TNNI3K: variants seen among roughly 807,000 people sequenced by gnomAD.
The protein encoded by TNNI3K is TNNI3 interacting kinase, also known as serine/threonine-protein kinase TNNI3K.
In TNNI3K, 140 loss-of-function variants were observed where a neutral mutation model predicts 114.5. That is an observed-to-expected ratio of 1.22 (90% CI 1.07 to 1.41). TNNI3K has a LOEUF of 1.41. Among genes scored for constraint, TNNI3K ranks in the 40% most tolerant of loss-of-function variants. The pLI is 0.00. For missense variants in TNNI3K, 1,125 were observed against 1,007.6 expected (o/e 1.12, Z -1.58); for synonymous variants, 347 against 347.5 (o/e 1.00, Z 0.02).
chr1:74,491,279 G>A (rs1219685728), intron 22 of TNNI3K, among the ~76,000 whole-genome samples: 2 of 152,188 alleles, frequency 1.3e-5, no homozygotes, highest in Non-Finnish European at 2.9e-5. Context: ...GAGTGCAGTG[G>A]CGCAATCTCA....
chr1:74,249,262 A>G (rs540782063), intron 2 of TNNI3K, among the ~76,000 whole-genome samples, 197 bp from the exon 3 acceptor site: 6 of 152,068 alleles, frequency 3.9e-5, no homozygotes, highest in East Asian at 1.9e-4. Context: ...CATCATTACA[A>G]TGTAAAACTA....
intron 5 of TNNI3K, among the ~76,000 whole-genome samples, chr1:74,297,254 A>G (rs1658044079): frequency 6.6e-6 from 1 of 152,228 alleles, no homozygotes; most frequent in Non-Finnish European, 1.5e-5. Context: ...CACATGTTGA[A>G]TACTTCAAAT....
Position 74,257,791 on chromosome 1 carries a change from C to T in TNNI3K, c.333+7022C>T, listed in dbSNP as rs186547168. On this transcript the variant is annotated intron_variant, in intron 4 of 24. Coordinates refer to ENST00000326637, the MANE Select transcript of TNNI3K (RefSeq NM_015978.3). ...CAAGCCATTCTTCTGCCTCAGCCTC[C>T]GGAGTAGCTGGGGCTACAGGCGCCC... 1.6e-3 allele frequency among the ~76,000 whole-genome samples: 239 copies of T among 151,570 alleles called. 1 individual carries two copies. The highest frequency in any genetic ancestry group is 2.6e-3 in the Non-Finnish European group (177 of 67,884).
At chr1:74,532,375 C>A (rs1034094701) in intron 23 of TNNI3K, among the ~76,000 whole-genome samples, 16 of 152,214 alleles carry the variant, frequency 1.1e-4, no homozygotes, top group African/African-American at 3.6e-4. Flanking sequence ...ATCCAAAACC[C>A]TTTAACTTAT....
chr1:74,324,688 G>A (rs1659806099), intron 5 of TNNI3K, among the ~76,000 whole-genome samples: 2 of 152,180 alleles, frequency 1.3e-5, no homozygotes, highest in African/African-American at 4.8e-5. Context: ...CAACCAGCAC[G>A]TGGGGAGCAA....
chr1:74,536,102 C>T (rs1208163769), intron 23 of TNNI3K, among the ~76,000 whole-genome samples: 1 of 152,124 alleles, frequency 6.6e-6, no homozygotes. Flanking sequence ...TACATTAACT[C>T]ACTAGCCTAG....
At chr1:74,286,924 A>T (rs1324418772) in intron 5 of TNNI3K, among the ~76,000 whole-genome samples, 1 of 152,128 alleles carries the variant, frequency 6.6e-6, no homozygotes, top group Non-Finnish European at 1.5e-5. Context: ...CTGGCAAATA[A>T]TTAAAAATAA....
intron 17 of TNNI3K, among the ~76,000 whole-genome samples, chr1:74,394,680 G>A (rs1032437863): frequency 1.3e-5 from 2 of 152,190 alleles, no homozygotes; most frequent in Non-Finnish European, 2.9e-5. Context: ...TCAAATACTT[G>A]AAAAGCCTCT....
intron 17 of TNNI3K, among the ~76,000 whole-genome samples, chr1:74,404,053 G>A (rs1399269674): frequency 2.0e-5 from 3 of 152,050 alleles, no homozygotes; most frequent in Admixed American, 2.0e-4. Flanking sequence ...GAGCTGGATT[G>A]ACTACTTCAT....
At chr1:74,328,783 A>G (rs924336378) in intron 5 of TNNI3K, among the ~76,000 whole-genome samples, 19 of 152,250 alleles carry the variant, frequency 1.2e-4, no homozygotes, top group African/African-American at 4.6e-4. Flanking sequence ...CTTATCTTTT[A>G]GAATGAAAGT....
intron 5 of TNNI3K, among the ~76,000 whole-genome samples, chr1:74,310,132 T>C (rs1035314570): frequency 6.6e-6 from 1 of 152,098 alleles, no homozygotes; most frequent in African/African-American, 2.4e-5. Flanking sequence ...AAAACTAACA[T>C]ACAAAAATCA....
chr1:74,297,710 C>T (rs1439156099), intron 5 of TNNI3K, among the ~76,000 whole-genome samples: 1 of 152,082 alleles, frequency 6.6e-6, no homozygotes, highest in African/African-American at 2.4e-5. Flanking sequence ...TTTCTCATAG[C>T]ATGTCAGGGT....
intron 20 of TNNI3K, among the ~76,000 whole-genome samples, chr1:74,452,855 A>C (rs1359614187): frequency 6.6e-6 from 1 of 152,174 alleles, no homozygotes; most frequent in Non-Finnish European, 1.5e-5. Context: ...TCATATCCCC[A>C]GCATGTGTCC....
At chr1:74,471,867 G>A (rs939046396) in intron 21 of TNNI3K, 3 of 452,818 alleles carry the variant, frequency 6.6e-6, no homozygotes, top group Non-Finnish European at 1.2e-5. Flanking sequence ...TTTCTTTCAT[G>A]TAATCTTCAA....
At chr1:74,334,597 A>G (rs1487006954) in intron 6 of TNNI3K, among the ~76,000 whole-genome samples, 2 of 152,180 alleles carry the variant, frequency 1.3e-5, no homozygotes, top group African/African-American at 4.8e-5. Flanking sequence ...AAGTGACTCA[A>G]AGGAATTCCT....
rs776926722 is a variant in TNNI3K, at chr1:74,254,054, CTG to C, written c.333+3287_333+3288del. Among the ~76,000 whole-genome samples, 102 of 152,316 alleles carry C rather than the reference CTG, an allele frequency of 6.7e-4. 1 individual carries two copies. Among genetic ancestry groups the C allele is most frequent in the African/African-American group, 1.9e-3 (79 of 41,570 alleles). On this transcript the variant is annotated intron_variant, in intron 4 of 24. Transcript: ENST00000326637. ...CCCTTCCCCCATATAGTATTAATAA[CTG>C]TTTAATTTTAATATTATTTCAAACT...
chr1:74,305,320 A>T (rs1205382308), intron 5 of TNNI3K, among the ~76,000 whole-genome samples: 1 of 152,200 alleles, frequency 6.6e-6, no homozygotes, highest in Non-Finnish European at 1.5e-5. Flanking sequence ...TCACACAGAC[A>T]TTAGGATCAG....
intron 17 of TNNI3K, among the ~76,000 whole-genome samples, chr1:74,393,020 C>T (rs1284773437): frequency 6.6e-6 from 1 of 152,206 alleles, no homozygotes; most frequent in Non-Finnish European, 1.5e-5. Context: ...AGACACAGAA[C>T]ATGTGGTACT....
rs765488124 is a variant in TNNI3K, at chr1:74,353,335, C to T, written c.1002C>T (p.Asn334=). ...FLLDQNVINI[N]HQGRDGHTGL... ...TTGATCAGAATGTCATAAACATCAA[C>T]CACCAAGGAAGGGATGGGCACACTG... Residue 334 remains asparagine (N), a synonymous_variant, in exon 10 of 25, where the codon AAC becomes AAT. Transcript: ENST00000326637. 2.5e-6 allele frequency: 4 copies of T among 1,613,576 alleles called. No homozygotes were observed. The highest frequency in any genetic ancestry group is 3.4e-6 in the Non-Finnish European group (4 of 1,179,866).
Sources: allele counts gnomAD v4.1 joint callset (sites outside exome capture counted in the v4.1 genomes callset), GRCh38; gene constraint gnomAD v4.1.1; transcripts MANE v1.5; gene names NCBI Gene and HGNC (gene_info 2026-07-23, HGNC 2026-07-21).